EXOC4: variants seen among roughly 807,000 people sequenced by gnomAD.
The protein encoded by EXOC4 is exocyst complex component 4, also known as SEC8-like 1.
In EXOC4, 71 loss-of-function variants were observed where a neutral mutation model predicts 107.2. The ratio of observed to expected loss-of-function variants is 0.66; its 90% CI spans 0.55 to 0.81. EXOC4 has a LOEUF of 0.81. Ranked by LOEUF, EXOC4 falls within the 30% of genes least tolerant of loss-of-function variation. The probability of loss-of-function intolerance (pLI) is 0.00; values close to 1 mark genes in which losing one functional copy is unlikely to be tolerated. For synonymous variants in EXOC4, 456 were observed against 441.2 expected, an observed-to-expected ratio of 1.03 and a Z score of -0.42; for missense variants, 1,108 against 1,189.6, an observed-to-expected ratio of 0.93 and a Z score of 1.01.
At chr7:133,466,636 A>G (rs1375443996) in intron 7 of EXOC4, among the ~76,000 whole-genome samples, 2 of 152,212 alleles carry the variant, frequency 1.3e-5, no homozygotes, top group African/African-American at 4.8e-5. Context: ...GTCCTTTGCA[A>G]ACTCTTTCAG....
chr7:133,661,787 G>T (rs1793694285), intron 10 of EXOC4, among the ~76,000 whole-genome samples: 1 of 150,842 alleles, frequency 6.6e-6, no homozygotes, highest in Non-Finnish European at 1.5e-5. Context: ...GTTTGATATG[G>T]CACCATGCTT....
At chr7:133,388,095 C>T (rs527595740) in intron 7 of EXOC4, among the ~76,000 whole-genome samples, 6 of 152,012 alleles carry the variant, frequency 3.9e-5, no homozygotes, top group Non-Finnish European at 7.4e-5. Flanking sequence ...TTTTAAGCCA[C>T]GGGCTGCGAT....
At chr7:133,428,892 G>GT (rs1797787920) in intron 7 of EXOC4, among the ~76,000 whole-genome samples, 1 of 151,956 alleles carries the variant, frequency 6.6e-6, no homozygotes, top group South Asian at 2.1e-4. Context: ...TTTGTGTTTT[G>GT]TTTTTCCCTT....
intron 12 of EXOC4, among the ~76,000 whole-genome samples, chr7:133,911,701 C>T (rs531621475): frequency 2.0e-4 from 30 of 152,290 alleles, no homozygotes; most frequent in African/African-American, 6.7e-4. Flanking sequence ...TCTAGCCCTT[C>T]AAAATGTACG....
At chr7:133,465,989 T>C (rs1364884629) in intron 7 of EXOC4, among the ~76,000 whole-genome samples, 1 of 151,784 alleles carries the variant, frequency 6.6e-6, no homozygotes, top group African/African-American at 2.4e-5. Flanking sequence ...TACAAAAAAT[T>C]AGCTGGGCTT....
intron 10 of EXOC4, among the ~76,000 whole-genome samples, chr7:133,695,770 A>C (rs1794520260): frequency 6.6e-6 from 1 of 152,204 alleles, no homozygotes; most frequent in African/African-American, 2.4e-5. Context: ...GAGTTGTCTC[A>C]GCAATTTACA....
At chr7:133,352,981 T>C (rs1795944387) in intron 5 of EXOC4, among the ~76,000 whole-genome samples, 1 of 152,098 alleles carries the variant, frequency 6.6e-6, no homozygotes, top group African/African-American at 2.4e-5. Context: ...TATATCTTTA[T>C]ACATTGTGTG....
At chr7:133,811,841 C>T (rs1291845960) in intron 10 of EXOC4, among the ~76,000 whole-genome samples, 5 of 152,180 alleles carry the variant, frequency 3.3e-5, no homozygotes, top group Non-Finnish European at 7.3e-5. Flanking sequence ...AAGGGCATTA[C>T]ATGCCAGATA....
intron 17 of EXOC4, among the ~76,000 whole-genome samples, chr7:134,024,848 T>G (rs1332982287): frequency 6.6e-6 from 1 of 152,242 alleles, no homozygotes; most frequent in Non-Finnish European, 1.5e-5. Flanking sequence ...AACTTCTGGT[T>G]ACCTAAGGTG....
At chr7:134,058,311 C>T (rs1360046655) in intron 17 of EXOC4, among the ~76,000 whole-genome samples, 3 of 152,162 alleles carry the variant, frequency 2.0e-5, no homozygotes, top group Admixed American at 1.3e-4. Context: ...GACATTAATA[C>T]TAGAGCTTTA....
intron 16 of EXOC4, 114 bp from the exon 17 acceptor site, chr7:134,007,562 G>A: frequency 1.1e-6 from 1 of 935,000 alleles, no homozygotes; most frequent in Non-Finnish European, 1.5e-6. Context: ...GATTTTCTTT[G>A]GTCGTTTAAA....
At chr7:133,396,595 A>G (rs1281959919) in intron 7 of EXOC4, among the ~76,000 whole-genome samples, 1 of 152,190 alleles carries the variant, frequency 6.6e-6, no homozygotes, top group Non-Finnish European at 1.5e-5. Flanking sequence ...GTTGGGTGCC[A>G]AGAGCAAACC....
intron 4 of EXOC4, among the ~76,000 whole-genome samples, chr7:133,312,458 A>AG (rs1794896382): frequency 6.6e-6 from 1 of 152,194 alleles, no homozygotes; most frequent in African/African-American, 2.4e-5. Context: ...GGTGGGGAAT[A>AG]GGGAGGTAGA....
chr7:133,783,708 C>T (rs994328695), intron 10 of EXOC4, among the ~76,000 whole-genome samples: 7 of 152,168 alleles, frequency 4.6e-5, no homozygotes, highest in African/African-American at 1.7e-4. Flanking sequence ...AAGGTTTAGA[C>T]TTTGACAGAC....
intron 9 of EXOC4, among the ~76,000 whole-genome samples, chr7:133,625,682 C>A (rs1366394471): frequency 6.6e-6 from 1 of 152,190 alleles, no homozygotes; most frequent in African/African-American, 2.4e-5. Context: ...CAGCAGTTAT[C>A]AGGTGGCCTT....
At chr7:133,464,157 A>G (rs1352660198) in intron 7 of EXOC4, among the ~76,000 whole-genome samples, 3 of 152,300 alleles carry the variant, frequency 2.0e-5, no homozygotes, top group South Asian at 4.1e-4. Context: ...ATTTAATTCT[A>G]TGAAGTAGTT....
intron 1 of EXOC4, among the ~76,000 whole-genome samples, chr7:133,257,615 C>G (rs749529400): frequency 6.6e-6 from 1 of 152,244 alleles, no homozygotes; most frequent in Non-Finnish European, 1.5e-5. Context: ...ATAACTTGGC[C>G]TGTAATAACC....
intron 3 of EXOC4, among the ~76,000 whole-genome samples, chr7:133,291,263 G>C (rs1400018420): frequency 1.3e-5 from 2 of 151,878 alleles, no homozygotes; most frequent in Admixed American, 6.6e-5. Flanking sequence ...TTGTCTGTTA[G>C]ATATCTTCTC....
intron 9 of EXOC4, among the ~76,000 whole-genome samples, chr7:133,627,326 G>A (rs1021224755): frequency 2.0e-5 from 3 of 152,162 alleles, no homozygotes; most frequent in Admixed American, 2.0e-4. Flanking sequence ...TATACATGAA[G>A]GTTTTCATTT....
Sources: gnomAD v4.1 joint callset for allele counts (sites outside exome capture counted in the v4.1 genomes callset) on GRCh38, gnomAD v4.1.1 for gene constraint, MANE v1.5 for transcripts, NCBI Gene and HGNC (gene_info 2026-07-23, HGNC 2026-07-21) for gene names.